Variants in CCDC3 observed in about 807,000 individuals in gnomAD.
CCDC3 encodes coiled-coil domain-containing protein 3.
In CCDC3, 24 loss-of-function variants were observed where a neutral mutation model predicts 21.4. That is an observed-to-expected ratio of 1.12 (90% CI 0.81 to 1.58). The LOEUF is 1.58. CCDC3 is among the 40% of genes most tolerant of loss of function. The pLI, the probability that CCDC3 is intolerant of heterozygous loss-of-function variation, is 0.00. For missense variants in CCDC3, 425 were observed against 360.9 expected (o/e 1.18, Z -1.44); for synonymous variants, 186 against 166.0 (o/e 1.12, Z -0.93).
At chr10:12,936,366 TTC>T (rs1300631008) in intron 2 of CCDC3, among the ~76,000 whole-genome samples, 2 of 152,192 alleles carry the variant, frequency 1.3e-5, no homozygotes, top group Non-Finnish European at 2.9e-5. Flanking sequence ...AGAATTTTTT[TTC>T]TCTTTTTGAG....
At position 13,000,296 on chromosome 10, in the gene CCDC3, G is replaced by T. The variant is rs4748016; in HGVS notation, c.374+901C>A. Reference sequence around the variant, plus strand: ...CAAATTCCAACTGAAGCTAACCAAAGAATTTAGAGTTCTACCTGGCACTCT... The same window carrying T: ...CAAATTCCAACTGAAGCTAACCAAATAATTTAGAGTTCTACCTGGCACTCT... On this transcript the variant is annotated intron_variant, in intron 1 of 2. Transcript: ENST00000378825. 1.9e-4 allele frequency among the ~76,000 whole-genome samples: 29 copies of T among 152,272 alleles called. 1 individual carries two copies. The highest frequency in any genetic ancestry group is 5.8e-4 in the African/African-American group (24 of 41,546).
At chr10:12,988,004 A>G (rs996108527) in intron 2 of CCDC3, among the ~76,000 whole-genome samples, 3 of 131,980 alleles carry the variant, frequency 2.3e-5, no homozygotes, top group Admixed American at 1.5e-4. Context: ...CAGCTGCCAG[A>G]GTGTTCCTTT....
At chr10:12,976,762 C>T (rs1054119576) in intron 2 of CCDC3, among the ~76,000 whole-genome samples, 4 of 152,078 alleles carry the variant, frequency 2.6e-5, no homozygotes, top group African/African-American at 7.2e-5. Flanking sequence ...TGGCTCTGTC[C>T]GATACTACAG....
chr10:13,089,335 C>A (rs1172115713), intron 3 of CCDC3, among the ~76,000 whole-genome samples: 4 of 152,078 alleles, frequency 2.6e-5, no homozygotes, highest in African/African-American at 9.7e-5. Context: ...ATTATGAATT[C>A]TTTATATGAA....
chr10:12,913,945 G>T (rs1834308717), intron 2 of CCDC3, among the ~76,000 whole-genome samples: 1 of 152,106 alleles, frequency 6.6e-6, no homozygotes. Flanking sequence ...ATTTGATCAT[G>T]GCAAATGATC....
chr10:12,959,597 G>A (rs549199286), intron 2 of CCDC3, among the ~76,000 whole-genome samples: 3 of 152,252 alleles, frequency 2.0e-5, no homozygotes, highest in South Asian at 4.2e-4. Context: ...GTGAGCTAAG[G>A]AGCAGGGTGG....
At chr10:13,020,758 T>C (rs1252715695) in intron 5 of CCDC3, among the ~76,000 whole-genome samples, 2 of 152,020 alleles carry the variant, frequency 1.3e-5, no homozygotes, top group South Asian at 2.1e-4. Flanking sequence ...AAATACACAG[T>C]GATAACGTAG....
rs760959197 is a variant in CCDC3, at chr10:13,001,355, GC to G, written c.215del (p.Gly72AlafsTer150). 3.8e-6 allele frequency: 6 copies of G among 1,598,570 alleles called. No individual in the cohort carries two copies. The African/African-American group carries it at 4.0e-5, about 11-fold the overall frequency. ...LPWQYHAGQG[G>X]LFYSAEVEML... The stretch of plus-strand genomic sequence containing the variant: ...TCTCGACCTCGGCCGAGTAGAAGAG[GC>G]CCCCCTGGCCGGCGTGGTACTGCCA... On this transcript the variant is annotated frameshift_variant, in exon 1 of 3. Coordinates refer to ENST00000378825, the MANE Select transcript of CCDC3 (RefSeq NM_031455.4). LOFTEE classifies it high-confidence loss of function.
In CCDC3 at chr10:12,962,963, T is replaced by G. The variant is rs139869928; in HGVS notation, c.549+35375A>C. ...TATGTGTGTGTTTTCATAAAAAGAT[T>G]TAAACTTACATACTTATATACACTA... On this transcript the variant is annotated intron_variant, in intron 2 of 2. Transcript: ENST00000378825. Among the ~76,000 whole-genome samples, 138 of 152,346 alleles carry G rather than the reference T, an allele frequency of 9.1e-4. 1 individual carries two copies. The East Asian group carries it at 0.024, about 26-fold the overall frequency.
At chr10:12,925,568 C>A (rs1319251635) in intron 2 of CCDC3, among the ~76,000 whole-genome samples, 1 of 152,224 alleles carries the variant, frequency 6.6e-6, no homozygotes, top group Non-Finnish European at 1.5e-5. Flanking sequence ...AAAAAATGCA[C>A]AACTGCCTAT....
At chr10:12,931,474 C>CA (rs1177498113) in intron 2 of CCDC3, among the ~76,000 whole-genome samples, 7 of 152,210 alleles carry the variant, frequency 4.6e-5, no homozygotes, top group Non-Finnish European at 8.8e-5. Flanking sequence ...GTCCATCCAT[C>CA]AGATGCTGAA....
intron 3 of CCDC3, among the ~76,000 whole-genome samples, chr10:13,096,504 G>T (rs77733475): frequency 6.6e-6 from 1 of 152,142 alleles, no homozygotes; most frequent in African/African-American, 2.4e-5. Context: ...TTCTGCAGGG[G>T]TGTACGGAAA....
chr10:12,914,613 T>TTTTTGTATAGAGCCGGGA (rs1210658274), intron 2 of CCDC3, among the ~76,000 whole-genome samples: 32 of 151,734 alleles, frequency 2.1e-4, no homozygotes, highest in Non-Finnish European at 4.1e-4. Context: ...CCTGGTTAAT[T>TTTTTGTATAGAGCCGGGA]TTTTGTATTG....
At chr10:13,091,236 G>T (rs967569386) in intron 3 of CCDC3, among the ~76,000 whole-genome samples, 5 of 152,142 alleles carry the variant, frequency 3.3e-5, no homozygotes, top group Non-Finnish European at 7.3e-5. Context: ...GACATACCCA[G>T]AAACAATATT....
intron 2 of CCDC3, among the ~76,000 whole-genome samples, chr10:12,940,588 A>G (rs1834812910): frequency 6.6e-6 from 1 of 152,208 alleles, no homozygotes; most frequent in Non-Finnish European, 1.5e-5. Context: ...ATGACTGTCC[A>G]ATCATAACCT....
At chr10:13,037,783 A>G (rs1836396511) in intron 5 of CCDC3, among the ~76,000 whole-genome samples, 1 of 152,186 alleles carries the variant, frequency 6.6e-6, no homozygotes, top group African/African-American at 2.4e-5. Flanking sequence ...CAGCCTGGAC[A>G]ACATAGTGAG....
At chr10:12,903,337 T>C (rs1470000907) in intron 2 of CCDC3, among the ~76,000 whole-genome samples, 1 of 152,258 alleles carries the variant, frequency 6.6e-6, no homozygotes, top group East Asian at 1.9e-4. Flanking sequence ...AGAGCTGTGC[T>C]TTCCAAAATG....
At chr10:13,041,054 A>T (rs1245966695) in intron 5 of CCDC3, among the ~76,000 whole-genome samples, 1 of 152,210 alleles carries the variant, frequency 6.6e-6, no homozygotes, top group East Asian at 1.9e-4. Context: ...ATTAAGTCCC[A>T]AACACTGAGT....
chr10:13,044,918 G>A (rs1374475635), intron 5 of CCDC3, among the ~76,000 whole-genome samples: 1 of 152,066 alleles, frequency 6.6e-6, no homozygotes, highest in Non-Finnish European at 1.5e-5. Context: ...TCCAATTCAT[G>A]AGCATTGGAA....
Sources: gnomAD v4.1 joint callset for allele counts (sites outside exome capture counted in the v4.1 genomes callset) on GRCh38, gnomAD v4.1.1 for gene constraint, MANE v1.5 for transcripts, NCBI Gene and HGNC (gene_info 2026-07-23, HGNC 2026-07-21) for gene names.